Variants in C12orf42 observed in about 807,000 individuals in gnomAD.
C12orf42 encodes the protein chromosome 12 open reading frame 42.
C12orf42 carries 25 observed loss-of-function variants against 21.6 expected under a neutral mutation model. That is an observed-to-expected ratio of 1.16 (90% confidence interval 0.84 to 1.62). The LOEUF (loss-of-function observed/expected upper bound fraction) is 1.62, where lower values mean the gene tolerates loss of function less well. Ranked by LOEUF, C12orf42 falls within the 40% of genes most tolerant of loss-of-function variation. C12orf42 has a pLI of 0.00. For missense variants in C12orf42, 483 were observed against 459.3 expected, an observed-to-expected ratio of 1.05 and a Z score of -0.47; for synonymous variants, 174 against 175.0, an observed-to-expected ratio of 0.99 and a Z score of 0.05.
At chr12:103,236,360 T>G (rs2033467044), downstream of C12orf42, among the ~76,000 whole-genome samples, 1 of 152,184 alleles carries the variant, frequency 6.6e-6, no homozygotes, top group Non-Finnish European at 1.5e-5. Context: ...AAAAATGACT[T>G]GAAAAACACA....
At chr12:103,218,009 C>A in the C12orf42 span, among the ~76,000 whole-genome samples, 417 of 152,214 alleles carry the variant, frequency 2.7e-3, 6 homozygotes, top group East Asian at 0.027. Context: ...CGGCCAGGCA[C>A]GGTGGCTCAC....
chr12:103,103,473 A>G, the C12orf42 span, among the ~76,000 whole-genome samples: 1 of 152,244 alleles, frequency 6.6e-6, no homozygotes, highest in Non-Finnish European at 1.5e-5. Context: ...ACATTGAATC[A>G]GAGAGGTAGA....
chr12:103,191,978 T>C, the C12orf42 span, among the ~76,000 whole-genome samples: 1 of 151,690 alleles, frequency 6.6e-6, no homozygotes, highest in Non-Finnish European at 1.5e-5. Context: ...CAAACCTCAC[T>C]AAAACCACAA....
chr12:103,051,768 T>G, the C12orf42 span, among the ~76,000 whole-genome samples: 64 of 152,138 alleles, frequency 4.2e-4, no homozygotes, highest in African/African-American at 1.5e-3. Flanking sequence ...CTTCCTACTA[T>G]TGTGCCACTC....
chr12:103,212,527 A>G, the C12orf42 span, among the ~76,000 whole-genome samples: 1 of 152,224 alleles, frequency 6.6e-6, no homozygotes, highest in East Asian at 1.9e-4. Flanking sequence ...GACCAGACTC[A>G]GGTTCAGATT....
chr12:103,218,480 G>A, the C12orf42 span, among the ~76,000 whole-genome samples: 1 of 152,068 alleles, frequency 6.6e-6, no homozygotes, highest in African/African-American at 2.4e-5. Flanking sequence ...ACTGAGCATA[G>A]GGATTTGAAT....
chr12:103,076,655 A>T, the C12orf42 span, among the ~76,000 whole-genome samples: 56 of 152,300 alleles, frequency 3.7e-4, no homozygotes, highest in African/African-American at 1.3e-3. Context: ...TATCTAACTG[A>T]AACTATTCTT....
intron 2 of C12orf42, among the ~76,000 whole-genome samples, chr12:103,428,950 G>A (rs1950057750): frequency 6.6e-6 from 1 of 152,100 alleles, no homozygotes; most frequent in South Asian, 2.1e-4. Flanking sequence ...AATAAACTAG[G>A]TATTGATGGA....
intron 2 of C12orf42, among the ~76,000 whole-genome samples, chr12:103,412,427 G>T (rs1193691219): frequency 1.3e-5 from 2 of 152,212 alleles, no homozygotes; most frequent in African/African-American, 4.8e-5. Flanking sequence ...CCAGCACTTT[G>T]GGAGGCTGAG....
intron 3 of C12orf42, among the ~76,000 whole-genome samples, chr12:103,370,895 A>T (rs189609067): frequency 1.3e-5 from 2 of 152,262 alleles, no homozygotes; most frequent in Admixed American, 6.5e-5. Flanking sequence ...GTTAAAAATT[A>T]ATAATATAAA....
intron 4 of C12orf42, chr12:103,277,293 A>G: frequency 2.8e-6 from 1 of 355,674 alleles, no homozygotes; most frequent in South Asian, 2.3e-5. Context: ...TTATTAATTT[A>G]TAACACAAAT....
At chr12:103,401,499 C>A in intron 3 of C12orf42, 108 bp downstream of exon 3, 2 of 861,922 alleles carry the variant, frequency 2.3e-6, no homozygotes, top group Non-Finnish European at 1.8e-6. Context: ...CCTTTACTAG[C>A]TATAAAGTCA....
the C12orf42 span, among the ~76,000 whole-genome samples, chr12:103,185,342 C>T: frequency 6.6e-6 from 1 of 152,168 alleles, no homozygotes; most frequent in Non-Finnish European, 1.5e-5. Context: ...GTCACAGGTA[C>T]TTCAGGTAGG....
chr12:103,197,331 C>A, the C12orf42 span, among the ~76,000 whole-genome samples: 50 of 152,270 alleles, frequency 3.3e-4, no homozygotes, highest in African/African-American at 1.2e-3. Context: ...AGATTCTTTC[C>A]TCAGCTTGGT....
chr12:103,507,862 C>T, the C12orf42 span, among the ~76,000 whole-genome samples: 17 of 152,044 alleles, frequency 1.1e-4, no homozygotes, highest in African/African-American at 3.9e-4. Context: ...GTTGAAGAAC[C>T]CCAGCTCTCC....
At chr12:103,097,387 G>A in the C12orf42 span, among the ~76,000 whole-genome samples, 8 of 152,204 alleles carry the variant, frequency 5.3e-5, no homozygotes, top group African/African-American at 1.7e-4. Flanking sequence ...TTTATGTAGT[G>A]CATGTCTTAG....
chr12:103,487,014 C>T (rs879299260), intron 1 of C12orf42, among the ~76,000 whole-genome samples: 7 of 152,044 alleles, frequency 4.6e-5, no homozygotes, highest in African/African-American at 1.2e-4. Context: ...AATTTATTTG[C>T]TCTTGCTTTT....
intron 3 of C12orf42, among the ~76,000 whole-genome samples, chr12:103,388,536 C>G (rs1483644060): frequency 6.6e-6 from 1 of 151,040 alleles, no homozygotes; most frequent in Admixed American, 6.6e-5. Context: ...TTTGTATTTG[C>G]AAAATGTTTA....
At chr12:103,484,399 T>A (rs990855591) in intron 1 of C12orf42, among the ~76,000 whole-genome samples, 7 of 152,258 alleles carry the variant, frequency 4.6e-5, no homozygotes, top group Non-Finnish European at 1.0e-4. Context: ...GATTTGCATT[T>A]CTCTGATGAC....
Sources: allele counts gnomAD v4.1 joint callset (sites outside exome capture counted in the v4.1 genomes callset), GRCh38; gene constraint gnomAD v4.1.1; transcripts MANE v1.5; gene names NCBI Gene and HGNC (gene_info 2026-07-23, HGNC 2026-07-21).